THSD7B: variants seen among roughly 807,000 people sequenced by gnomAD.
THSD7B encodes the protein thrombospondin type 1 domain containing 7B.
A neutral mutation model predicts 213.6 loss-of-function variants in THSD7B; 138 were observed. The ratio of observed to expected loss-of-function variants is 0.65; its 90% CI spans 0.56 to 0.74. THSD7B has a LOEUF of 0.74. THSD7B is among the 30% of genes least tolerant of loss of function. The pLI, the probability that THSD7B is intolerant of heterozygous loss-of-function variation, is 0.00. For missense variants in THSD7B, 1,931 were observed against 1,991.5 expected (o/e 0.97, Z 0.58); for synonymous variants, 742 against 687.0 (o/e 1.08, Z -1.25).
At chr2:136,907,935 T>C (rs1684193435) in intron 2 of THSD7B, among the ~76,000 whole-genome samples, 2 of 152,188 alleles carry the variant, frequency 1.3e-5, no homozygotes, top group Non-Finnish European at 2.9e-5. Context: ...ATAGAGGAAA[T>C]TTGGCATAGG....
intron 17 of THSD7B, among the ~76,000 whole-genome samples, chr2:137,574,673 A>T (rs1381103168): frequency 6.6e-6 from 1 of 152,104 alleles, no homozygotes; most frequent in African/African-American, 2.4e-5. Flanking sequence ...GTAAACTTCA[A>T]AGTGAAAAAA....
At chr2:137,363,895 C>G (rs1685336541) in intron 12 of THSD7B, among the ~76,000 whole-genome samples, 1 of 152,148 alleles carries the variant, frequency 6.6e-6, no homozygotes, top group Non-Finnish European at 1.5e-5. Context: ...TTTTATGAGG[C>G]CAACATCATC....
chr2:137,534,621 A>G (rs921770758), intron 15 of THSD7B, among the ~76,000 whole-genome samples: 1 of 151,742 alleles, frequency 6.6e-6, no homozygotes, highest in Admixed American at 6.6e-5. Flanking sequence ...GGAAAGTTTT[A>G]TGTACCTGAT....
chr2:137,170,515 A>G (rs1025558238), intron 6 of THSD7B, among the ~76,000 whole-genome samples: 15 of 152,178 alleles, frequency 9.9e-5, no homozygotes, highest in Non-Finnish European at 2.1e-4. Flanking sequence ...TCCAACTCCT[A>G]GGTTGTAAAC....
In THSD7B at chr2:137,252,172, C is replaced by G. The variant is rs933217487; in HGVS notation, c.2266+9600C>G. On this transcript the variant is annotated intron_variant, in intron 10 of 27. Transcript: ENST00000409968. ...ATCCCAGCTACTCGTGAGGCTGAGTCAGGAGAATCGCTTGAACCCGGGAGG... is the reference window on the plus strand; with the variant it reads ...ATCCCAGCTACTCGTGAGGCTGAGTGAGGAGAATCGCTTGAACCCGGGAGG... Among the ~76,000 whole-genome samples, 3 of 142,736 alleles carry G rather than the reference C, an allele frequency of 2.1e-5. No individual in the cohort carries two copies. The Admixed American group carries it at 2.3e-4, about 11-fold the overall frequency. 93.6% of individuals were successfully genotyped at this position (142,736 alleles called of 152,430 possible). A position where few individuals can be genotyped will look rare whatever the true frequency, so the allele number is the denominator to read the frequency against.
chr2:137,298,533 T>C (rs556631657), intron 12 of THSD7B, among the ~76,000 whole-genome samples: 2 of 150,846 alleles, frequency 1.3e-5, no homozygotes, highest in African/African-American at 2.5e-5. Flanking sequence ...CTCCAGGCCA[T>C]GTCAGAGACT....
chr2:137,620,925 C>T (rs533410518), intron 20 of THSD7B, among the ~76,000 whole-genome samples, 199 bp downstream of exon 20: 1 of 152,162 alleles, frequency 6.6e-6, no homozygotes, highest in Non-Finnish European at 1.5e-5. Flanking sequence ...GACCAGATAA[C>T]AGTGGCAGAC....
chr2:137,615,302 G>T (rs985447456), intron 17 of THSD7B, among the ~76,000 whole-genome samples: 43 of 152,322 alleles, frequency 2.8e-4, no homozygotes, highest in African/African-American at 9.6e-4. Flanking sequence ...ATGAGTGGAA[G>T]TTTGCTCAAA....
At chr2:136,807,790 G>A (rs549625439) in intron 1 of THSD7B, among the ~76,000 whole-genome samples, 3 of 152,154 alleles carry the variant, frequency 2.0e-5, no homozygotes, top group Non-Finnish European at 4.4e-5. Flanking sequence ...ACAGGCGTGA[G>A]CCACCACACC....
intron 5 of THSD7B, among the ~76,000 whole-genome samples, chr2:137,131,723 T>C (rs1688736114): frequency 1.3e-5 from 2 of 152,230 alleles, no homozygotes; most frequent in Non-Finnish European, 2.9e-5. Flanking sequence ...AGCTCTGTTC[T>C]GTTCCATTGG....
intron 10 of THSD7B, among the ~76,000 whole-genome samples, chr2:137,255,016 G>A (rs1488171943): frequency 1.3e-5 from 2 of 151,914 alleles, no homozygotes; most frequent in Non-Finnish European, 1.5e-5. Flanking sequence ...TTATATTCTT[G>A]CAATGTAAAC....
chr2:137,273,174 G>T (rs1184365283), intron 11 of THSD7B, among the ~76,000 whole-genome samples: 1 of 148,556 alleles, frequency 6.7e-6, no homozygotes, highest in African/African-American at 2.6e-5. Flanking sequence ...AAATTTTTTG[G>T]TTCTCAATTT....
At chr2:137,496,430 C>T (rs1477837945) in intron 15 of THSD7B, among the ~76,000 whole-genome samples, 2 of 152,124 alleles carry the variant, frequency 1.3e-5, no homozygotes, top group African/African-American at 2.4e-5. Context: ...AATTTTGTCC[C>T]CTCCCAATAA....
At position 137,482,458 on chromosome 2, in the gene THSD7B, G is replaced by T. The variant is rs553351134; in HGVS notation, c.3138+31435G>T. On this transcript the variant is annotated intron_variant, in intron 15 of 27. Coordinates refer to ENST00000409968, the MANE Select transcript of THSD7B (RefSeq NM_001316349.2). Reference sequence around the variant, plus strand: ...TGTGCCCTGTGGGTCTCCAATGGGTGGCGCAGGATGAATGTGGCATAGCAT... The same window carrying T: ...TGTGCCCTGTGGGTCTCCAATGGGTTGCGCAGGATGAATGTGGCATAGCAT... Among the ~76,000 whole-genome samples the T allele has an allele frequency of 8.5e-5, 13 of 152,322 alleles. No homozygotes were observed. The South Asian group carries it at 2.7e-3, about 32-fold the overall frequency.
At chr2:137,130,806 C>A (rs1181973870) in intron 5 of THSD7B, among the ~76,000 whole-genome samples, 1 of 123,932 alleles carries the variant, frequency 8.1e-6, no homozygotes, top group African/African-American at 2.7e-5. Context: ...GGTTCCAAGT[C>A]TTTGCTATTG....
rs10660951 is a variant in THSD7B at position 137,091,491 on chromosome 2, T to TTTTTATTTTATTTTATTTTA, written c.951-3369_951-3350dup. Among the ~76,000 whole-genome samples the TTTTTATTTTATTTTATTTTA allele has an allele frequency of 7.7e-3, 1,164 of 150,740 alleles. 12 individuals are homozygous for TTTTTATTTTATTTTATTTTA. The highest frequency in any genetic ancestry group is 0.023 in the African/African-American group (943 of 40,834). On this transcript the variant is annotated intron_variant, in intron 3 of 27. Coordinates refer to ENST00000409968, the MANE Select transcript of THSD7B (RefSeq NM_001316349.2). ...CAAACTTGCTGGGTCAAACAACAGA[T>TTTTTATTTTATTTTATTTTA]TTTTATTTTATTTTATTTTATTTTA...
At chr2:137,005,804 TTAAAA>T (rs1402007721) in intron 2 of THSD7B, among the ~76,000 whole-genome samples, 8 of 152,312 alleles carry the variant, frequency 5.3e-5, no homozygotes, top group Admixed American at 1.3e-4. Flanking sequence ...TGTCTCTGCC[TTAAAA>T]TAAAATAAAA....
intron 14 of THSD7B, among the ~76,000 whole-genome samples, chr2:137,435,566 A>G (rs1362704339): frequency 6.6e-6 from 1 of 152,156 alleles, no homozygotes; most frequent in Non-Finnish European, 1.5e-5. Context: ...GGTCATTATC[A>G]TAGTTTTTTC....
intron 12 of THSD7B, among the ~76,000 whole-genome samples, chr2:137,335,649 T>C (rs912544961): frequency 1.3e-5 from 2 of 152,178 alleles, no homozygotes; most frequent in African/African-American, 4.8e-5. Context: ...TGGAACCAGC[T>C]TAAGGACAGA....
Sources: allele counts gnomAD v4.1 joint callset (sites outside exome capture counted in the v4.1 genomes callset), GRCh38; gene constraint gnomAD v4.1.1; transcripts MANE v1.5; gene names NCBI Gene and HGNC (gene_info 2026-07-23, HGNC 2026-07-21).